SCHIP1: variants seen among roughly 807,000 people sequenced by gnomAD.
SCHIP1 encodes the protein schwannomin interacting protein 1.
In SCHIP1, 8 loss-of-function variants were observed where a neutral mutation model predicts 29.7. The observed-to-expected ratio is 0.27, with a 90% CI of 0.16 to 0.49. The LOEUF is 0.49. Ranked by LOEUF, SCHIP1 falls within the 20% of genes least tolerant of loss-of-function variation. The pLI, the probability that SCHIP1 is intolerant of heterozygous loss-of-function variation, is 0.99. For missense variants in SCHIP1, 193 were observed against 294.6 expected (o/e 0.66, Z 2.52); for synonymous variants, 76 against 94.9 (o/e 0.80, Z 1.16).
chr3:159,356,491 G>A, the SCHIP1 span, among the ~76,000 whole-genome samples: 1 of 152,256 alleles, frequency 6.6e-6, no homozygotes, highest in African/African-American at 2.4e-5. Context: ...TCTTTAGTGA[G>A]GGTGGTAGAC....
the SCHIP1 span, among the ~76,000 whole-genome samples, chr3:159,486,889 G>A: frequency 6.6e-6 from 1 of 152,204 alleles, no homozygotes; most frequent in African/African-American, 2.4e-5. Flanking sequence ...CTAGCTGCAA[G>A]GGAGTCTGAA....
At chr3:159,868,087 A>G (rs1479124861) in intron 2 of SCHIP1, among the ~76,000 whole-genome samples, 2 of 149,752 alleles carry the variant, frequency 1.3e-5, no homozygotes, top group African/African-American at 2.4e-5. Flanking sequence ...TATATATAAC[A>G]TACGTATATA....
intron 2 of SCHIP1, among the ~76,000 whole-genome samples, chr3:159,879,306 A>G (rs1716200694): frequency 6.8e-6 from 1 of 146,280 alleles, no homozygotes; most frequent in Non-Finnish European, 1.5e-5. Flanking sequence ...TTCTACCATT[A>G]ATGAATTTGT....
the SCHIP1 span, among the ~76,000 whole-genome samples, chr3:159,325,674 G>A: frequency 1.3e-5 from 2 of 151,812 alleles, no homozygotes; most frequent in Non-Finnish European, 2.9e-5. Context: ...ATCACCCCTT[G>A]AAAATTTCTT....
At chr3:159,389,892 C>G in the SCHIP1 span, among the ~76,000 whole-genome samples, 1 of 151,730 alleles carries the variant, frequency 6.6e-6, no homozygotes, top group Non-Finnish European at 1.5e-5. Flanking sequence ...GATATTAATG[C>G]AAATGATTCC....
the SCHIP1 span, among the ~76,000 whole-genome samples, chr3:159,503,241 T>C: frequency 6.6e-6 from 1 of 152,194 alleles, no homozygotes; most frequent in Non-Finnish European, 1.5e-5. Flanking sequence ...TGACATGTCT[T>C]TTTTGACAGC....
chr3:159,647,294 C>A, the SCHIP1 span, among the ~76,000 whole-genome samples: 6 of 151,950 alleles, frequency 3.9e-5, no homozygotes, highest in Admixed American at 6.6e-5. Context: ...CCAAGCAAGG[C>A]CATGAGAGAA....
At chr3:159,868,184 T>C (rs945502933) in intron 2 of SCHIP1, among the ~76,000 whole-genome samples, 1 of 151,460 alleles carries the variant, frequency 6.6e-6, no homozygotes, top group African/African-American at 2.4e-5. Context: ...TGTATACATA[T>C]ATATATGTGT....
the SCHIP1 span, among the ~76,000 whole-genome samples, chr3:159,561,352 C>G: frequency 6.6e-6 from 1 of 152,140 alleles, no homozygotes; most frequent in Non-Finnish European, 1.5e-5. Flanking sequence ...TCCACTGAAT[C>G]AACAGGTAAA....
At chr3:159,799,982 A>G in the SCHIP1 span, among the ~76,000 whole-genome samples, 8 of 152,208 alleles carry the variant, frequency 5.3e-5, no homozygotes, top group Admixed American at 5.2e-4. Flanking sequence ...GAAGTCCTCC[A>G]GATGAGAGAT....
the SCHIP1 span, among the ~76,000 whole-genome samples, chr3:159,684,159 A>G: frequency 6.6e-6 from 1 of 152,056 alleles, no homozygotes; most frequent in Non-Finnish European, 1.5e-5. Flanking sequence ...TTGAGCCAAT[A>G]TTTCTCTTGC....
At chr3:159,893,688 T>C (rs1311669266) in intron 6 of SCHIP1, 2 of 152,172 alleles carry the variant, frequency 1.3e-5, no homozygotes, top group Non-Finnish European at 2.9e-5. Context: ...TTTATAACTT[T>C]CAGATGGTGT....
chr3:159,391,243 A>G, the SCHIP1 span, among the ~76,000 whole-genome samples: 2 of 152,196 alleles, frequency 1.3e-5, no homozygotes, highest in African/African-American at 2.4e-5. Context: ...TACTGCTTTC[A>G]ATCATTTTGA....
chr3:159,377,349 C>A, the SCHIP1 span, among the ~76,000 whole-genome samples: 1 of 152,220 alleles, frequency 6.6e-6, no homozygotes, highest in African/African-American at 2.4e-5. Context: ...CTTCCAAGTG[C>A]TTTCTTCATG....
chr3:159,670,837 T>C, the SCHIP1 span, among the ~76,000 whole-genome samples: 3 of 152,194 alleles, frequency 2.0e-5, no homozygotes, highest in South Asian at 6.2e-4. Flanking sequence ...ATCCAGATAG[T>C]GTTCTCCCTC....
chr3:159,733,374 C>T, the SCHIP1 span, among the ~76,000 whole-genome samples: 1 of 152,092 alleles, frequency 6.6e-6, no homozygotes, highest in African/African-American at 2.4e-5. Flanking sequence ...TTACTGAGAG[C>T]TTGAAAAGAG....
At chr3:159,854,317 T>C (rs1424007179) in intron 1 of SCHIP1, among the ~76,000 whole-genome samples, 1 of 152,230 alleles carries the variant, frequency 6.6e-6, no homozygotes, top group African/African-American at 2.4e-5. Flanking sequence ...AAGAAGCTTC[T>C]GTCGTGATAG....
the SCHIP1 span, among the ~76,000 whole-genome samples, chr3:159,624,701 C>A: frequency 7.1e-3 from 1,073 of 152,166 alleles, 15 homozygotes; most frequent in African/African-American, 0.024. Context: ...CAAATAATAG[C>A]TAAATTTGGG....
the SCHIP1 span, among the ~76,000 whole-genome samples, chr3:159,600,767 T>G: frequency 6.6e-6 from 1 of 152,250 alleles, no homozygotes. Flanking sequence ...GCTCTTACAT[T>G]GACATCTGCA....
Sources: allele counts gnomAD v4.1 joint callset (sites outside exome capture counted in the v4.1 genomes callset), GRCh38; gene constraint gnomAD v4.1.1; transcripts MANE v1.5; gene names NCBI Gene and HGNC (gene_info 2026-07-23, HGNC 2026-07-21).